FAM13B: variants seen among roughly 807,000 people sequenced by gnomAD.
The protein encoded by FAM13B is family with sequence similarity 13 member B.
Under a neutral mutation model 117.3 loss-of-function variants are expected in FAM13B, and 60 were observed. That is an observed-to-expected ratio of 0.51 (90% CI 0.42 to 0.63). The LOEUF is 0.63. FAM13B is among the 30% of genes least tolerant of loss of function. FAM13B has a pLI of 0.00. For synonymous variants in FAM13B, 332 were observed against 356.1 expected, an observed-to-expected ratio of 0.93 and a Z score of 0.76; for missense variants, 972 against 1,091.9, an observed-to-expected ratio of 0.89 and a Z score of 1.55.
intron 2 of FAM13B, among the ~76,000 whole-genome samples, chr5:138,019,682 A>AT (rs5871660): frequency 1.6e-4 from 23 of 142,342 alleles, no homozygotes; most frequent in Admixed American, 3.5e-4. Context: ...GCTGTAATAA[A>AT]TTTTTTTTTT....
rs978447634 is a variant in FAM13B, at chr5:137,939,986, A to G, written c.*239T>C. ...GTAGTACAAAACAATGAAGTAAACC[A>G]TATGTTTGCTAAAGGTGGAGAGGAC... On this transcript the variant is annotated 3_prime_UTR_variant, in exon 24 of 24. Coordinates refer to ENST00000689681, the MANE Select transcript of FAM13B (RefSeq NM_001385994.1). 77 of 1,568,040 alleles carry G rather than the reference A, an allele frequency of 4.9e-5. No homozygotes were observed. The East Asian group carries it at 9.1e-4, about 19-fold the overall frequency.
chr5:138,014,385 C>T (rs984005191), intron 4 of FAM13B, among the ~76,000 whole-genome samples: 3 of 152,212 alleles, frequency 2.0e-5, no homozygotes, highest in East Asian at 1.9e-4. Context: ...AGATCAGTGG[C>T]GGCATTAGAT....
chr5:137,997,211 C>A (rs1581207005), intron 7 of FAM13B, among the ~76,000 whole-genome samples: 1 of 152,132 alleles, frequency 6.6e-6, no homozygotes, highest in East Asian at 1.9e-4. Flanking sequence ...GGCTCACACC[C>A]GTAATCCCAG....
chr5:137,990,824 TTA>T (rs1039356243), intron 7 of FAM13B, among the ~76,000 whole-genome samples: 3 of 151,906 alleles, frequency 2.0e-5, no homozygotes, highest in African/African-American at 7.3e-5. Flanking sequence ...AAAATAAAAT[TTA>T]TATATATTTC....
At chr5:138,000,703 G>A (rs1297449080) in intron 7 of FAM13B, among the ~76,000 whole-genome samples, 1 of 152,228 alleles carries the variant, frequency 6.6e-6, no homozygotes, top group East Asian at 1.9e-4. Context: ...GGCCGAAGTA[G>A]GCAGATCACT....
chr5:137,968,153 C>G (rs1770686671), intron 10 of FAM13B, among the ~76,000 whole-genome samples: 1 of 144,626 alleles, frequency 6.9e-6, no homozygotes, highest in African/African-American at 2.6e-5. Flanking sequence ...ACCCGGGAGG[C>G]AGAGGTTGCA....
At chr5:138,044,705 A>T (rs1436835651) in intron 1 of FAM13B, among the ~76,000 whole-genome samples, 1 of 152,224 alleles carries the variant, frequency 6.6e-6, no homozygotes, top group Non-Finnish European at 1.5e-5. Flanking sequence ...AAGACTGGAA[A>T]AGTTAGCTAC....
At chr5:138,011,185 T>G in intron 5 of FAM13B, 36 bp from the exon 6 acceptor site, 1 of 1,566,966 alleles carries the variant, frequency 6.4e-7, no homozygotes, top group East Asian at 2.3e-5. Flanking sequence ...TGAGAGTTCT[T>G]AAATCAATCA....
intron 7 of FAM13B, among the ~76,000 whole-genome samples, chr5:138,006,276 G>A (rs1223301820): frequency 2.0e-5 from 3 of 152,124 alleles, no homozygotes; most frequent in Non-Finnish European, 2.9e-5. Flanking sequence ...TATATAGCTG[G>A]ATCCTCCTAA....
chr5:137,955,230 A>T (rs1766164473), intron 14 of FAM13B, among the ~76,000 whole-genome samples: 1 of 152,204 alleles, frequency 6.6e-6, no homozygotes, highest in African/African-American at 2.4e-5. Context: ...TGTTACATGG[A>T]ACACTCACCA....
At chr5:137,980,631 G>C (rs921330280) in intron 10 of FAM13B, among the ~76,000 whole-genome samples, 3 of 151,692 alleles carry the variant, frequency 2.0e-5, no homozygotes, top group African/African-American at 4.8e-5. Context: ...GTAGAGACGG[G>C]GTTTCACCAT....
At chr5:137,983,760 C>T (rs146982442) in intron 10 of FAM13B, among the ~76,000 whole-genome samples, 338 of 152,224 alleles carry the variant, frequency 2.2e-3, no homozygotes, top group African/African-American at 7.8e-3. Context: ...ATCTTTTTAT[C>T]ATAATCCTCT....
At chr5:137,941,254 C>T (rs1581029764) in intron 23 of FAM13B, among the ~76,000 whole-genome samples, 4 of 152,140 alleles carry the variant, frequency 2.6e-5, no homozygotes, top group Admixed American at 2.6e-4. Context: ...ATATAGGAGA[C>T]TCACAAAGCA....
intron 1 of FAM13B, among the ~76,000 whole-genome samples, chr5:138,038,844 G>A (rs954945464): frequency 1.2e-4 from 18 of 152,144 alleles, no homozygotes; most frequent in African/African-American, 4.1e-4. Flanking sequence ...TATGGGTCAG[G>A]CACTGTGCTA....
intron 1 of FAM13B, among the ~76,000 whole-genome samples, chr5:138,028,554 T>C (rs1315072170): frequency 6.6e-6 from 1 of 152,188 alleles, no homozygotes; most frequent in Non-Finnish European, 1.5e-5. Context: ...TTTTTGTATA[T>C]CTTCCCCACT....
chr5:138,036,707 G>A (rs1038537226), upstream of FAM13B: 2 of 383,114 alleles, frequency 5.2e-6, no homozygotes, highest in African/African-American at 4.2e-5. Flanking sequence ...TCTAGAGGGG[G>A]TCTATCTCAG....
At position 138,007,085 on chromosome 5, in the gene FAM13B, T is replaced by C; in HGVS notation, c.753A>G (p.Pro251=). ...CATTTGATTTTTCTGCACCCTCTTC[T>C]GGAAGTTCTTCAATATGTTCCAGCT... ...DEKLEHIEEL[P]EEGAEKSNDM... is the part of the protein sequence containing the mutation. The change falls in exon 7 of 24, where the codon CCA becomes CCG. Residue 251 remains proline (P), a synonymous_variant. Transcript: ENST00000689681. 6.2e-7 allele frequency: 1 copy of C among 1,613,666 alleles called. No individual in the cohort carries two copies. The highest frequency in any genetic ancestry group is 8.5e-7 in the Non-Finnish European group (1 of 1,179,838).
At chr5:138,028,901 C>T (rs1171143416) in intron 1 of FAM13B, among the ~76,000 whole-genome samples, 3 of 152,142 alleles carry the variant, frequency 2.0e-5, no homozygotes, top group Non-Finnish European at 2.9e-5. Context: ...TGCCTGTGGT[C>T]CCAGCTACTT....
At chr5:137,962,376 A>T in intron 11 of FAM13B, 29 bp downstream of exon 11, 1 of 1,603,534 alleles carries the variant, frequency 6.2e-7, no homozygotes, top group Non-Finnish European at 8.5e-7. Context: ...TCTCAAAATG[A>T]TTAATTAGCA....
Sources: allele counts gnomAD v4.1 joint callset (sites outside exome capture counted in the v4.1 genomes callset), GRCh38; gene constraint gnomAD v4.1.1; transcripts MANE v1.5; gene names NCBI Gene and HGNC (gene_info 2026-07-23, HGNC 2026-07-21).